SERGEF: variants seen among roughly 807,000 people sequenced by gnomAD.
SERGEF encodes the protein secretion regulating guanine nucleotide exchange factor, also known as secretion-regulating guanine nucleotide exchange factor.
Under a neutral mutation model 50.0 loss-of-function variants are expected in SERGEF, and 51 were observed. The ratio of observed to expected loss-of-function variants is 1.02; its 90% CI spans 0.81 to 1.29. The LOEUF is 1.29. Ranked by LOEUF, SERGEF falls within the 50% of genes most tolerant of loss-of-function variation. The pLI, the probability that SERGEF is intolerant of heterozygous loss-of-function variation, is 0.00. For missense variants in SERGEF, 521 were observed against 557.0 expected (o/e 0.94, Z 0.65); for synonymous variants, 205 against 212.4 (o/e 0.97, Z 0.30).
chr11:17,919,400 A>G (rs1415287372), intron 9 of SERGEF, among the ~76,000 whole-genome samples: 1 of 152,154 alleles, frequency 6.6e-6, no homozygotes, highest in African/African-American at 2.4e-5. Context: ...GTTTGGAAAC[A>G]ACTAGGTTAA....
At chr11:17,881,297 G>T (rs1851328153) in intron 9 of SERGEF, among the ~76,000 whole-genome samples, 1 of 152,160 alleles carries the variant, frequency 6.6e-6, no homozygotes, top group African/African-American at 2.4e-5. Flanking sequence ...GAGGACCAGG[G>T]GCTTCCAGAA....
At chr11:17,795,428 A>G (rs768779556) in intron 10 of SERGEF, among the ~76,000 whole-genome samples, 59 of 152,152 alleles carry the variant, frequency 3.9e-4, no homozygotes, top group Non-Finnish European at 6.3e-4. Context: ...CCCTTGCCCT[A>G]TCCTTTATGC....
At position 17,967,532 on chromosome 11, in the gene SERGEF, C is replaced by A. The variant is rs1485741253; in HGVS notation, c.845-7896G>T. On this transcript the variant is annotated intron_variant, in intron 8 of 10. Coordinates refer to ENST00000265965, the MANE Select transcript of SERGEF (RefSeq NM_012139.4). ...TTTCACCACTGACTTTATTAGCTAC[C>A]AAATCGGGGGCAGCAGTGATAGAAG... Among the ~76,000 whole-genome samples the A allele has an allele frequency of 2.6e-5, 4 of 152,286 alleles. No homozygotes were observed. In the South Asian group the frequency reaches 8.3e-4, roughly 32 times the overall value.
intron 9 of SERGEF, among the ~76,000 whole-genome samples, chr11:17,881,072 C>A (rs1851325163): frequency 1.3e-5 from 2 of 152,186 alleles, no homozygotes; most frequent in Admixed American, 1.3e-4. Context: ...GAGGCTCATA[C>A]ATATTAAATA....
rs140125257 is a variant in SERGEF, at chr11:18,001,624, G to A, written c.448-1067C>T. On this transcript the variant is annotated intron_variant, in intron 4 of 10. Coordinates refer to ENST00000265965, the MANE Select transcript of SERGEF (RefSeq NM_012139.4). Reference sequence around the variant, plus strand: ...GCTGTTCCTAAATTCCTGACTCTCCGAAACTGTGACATAATAAATGTTTGC... The same window carrying A: ...GCTGTTCCTAAATTCCTGACTCTCCAAAACTGTGACATAATAAATGTTTGC... Among the ~76,000 whole-genome samples the A allele has an allele frequency of 1.8e-4, 28 of 152,270 alleles. No individual in the cohort carries two copies. In the East Asian group the frequency reaches 5.0e-3, roughly 27 times the overall value.
intron 6 of SERGEF, among the ~76,000 whole-genome samples, chr11:17,995,034 G>A (rs1282586830): frequency 1.3e-5 from 2 of 152,122 alleles, no homozygotes; most frequent in East Asian, 3.8e-4. Flanking sequence ...GGGAGAAGAG[G>A]AGGAAATGGA....
At chr11:17,890,490 C>CGTTTTCTCTCACAT (rs1382601960) in intron 9 of SERGEF, among the ~76,000 whole-genome samples, 1 of 152,088 alleles carries the variant, frequency 6.6e-6, no homozygotes, top group Non-Finnish European at 1.5e-5. Flanking sequence ...GTTTTTCTCA[C>CGTTTTCTCTCACAT]GTTTTCTCTC....
At chr11:17,911,431 AT>A (rs1851952046) in intron 9 of SERGEF, among the ~76,000 whole-genome samples, 1 of 149,452 alleles carries the variant, frequency 6.7e-6, no homozygotes, top group African/African-American at 2.5e-5. Flanking sequence ...AATGTGTGTA[AT>A]TTGATAAGTT....
intron 10 of SERGEF, among the ~76,000 whole-genome samples, chr11:17,807,934 C>A (rs1849792861): frequency 6.6e-6 from 1 of 152,190 alleles, no homozygotes; most frequent in Non-Finnish European, 1.5e-5. Context: ...TGAGAACATG[C>A]CAATTTCTAA....
chr11:17,797,872 A>C (rs1309673975), intron 10 of SERGEF, among the ~76,000 whole-genome samples: 1 of 152,200 alleles, frequency 6.6e-6, no homozygotes, highest in African/African-American at 2.4e-5. Context: ...CAATGACTGG[A>C]AGACTGCTCT....
chr11:18,004,589 C>A, intron 3 of SERGEF, 54 bp from the exon 4 acceptor site: 3 of 1,271,398 alleles, frequency 2.4e-6, no homozygotes, highest in African/African-American at 2.9e-5. Flanking sequence ...TGTCTGTGAC[C>A]AATGGGTAAA....
intron 8 of SERGEF, among the ~76,000 whole-genome samples, chr11:17,965,752 G>A (rs1276986345): frequency 1.3e-5 from 2 of 152,120 alleles, no homozygotes; most frequent in Non-Finnish European, 2.9e-5. Flanking sequence ...ATGAACAATA[G>A]AATAAATGAA....
intron 10 of SERGEF, among the ~76,000 whole-genome samples, chr11:17,865,980 C>A (rs1851014972): frequency 6.6e-6 from 1 of 152,184 alleles, no homozygotes; most frequent in African/African-American, 2.4e-5. Context: ...ATAGTAAATG[C>A]CGTATACAGA....
intron 10 of SERGEF, among the ~76,000 whole-genome samples, chr11:17,870,437 G>A (rs962818055): frequency 6.6e-6 from 1 of 152,200 alleles, no homozygotes; most frequent in East Asian, 1.9e-4. Flanking sequence ...GATGGAAGAG[G>A]TCATAAGTCA....
intron 10 of SERGEF, among the ~76,000 whole-genome samples, chr11:17,852,076 A>C (rs1334359380): frequency 1.3e-5 from 2 of 152,144 alleles, no homozygotes; most frequent in East Asian, 3.8e-4. Context: ...CAAAGTAAAA[A>C]CTGCTGAGAG....
chr11:18,004,009 A>C (rs193297922), intron 4 of SERGEF, among the ~76,000 whole-genome samples: 37 of 152,356 alleles, frequency 2.4e-4, no homozygotes, highest in African/African-American at 8.9e-4. Flanking sequence ...TTTTTTAAAT[A>C]GGGCTACTAG....
chr11:17,813,733 A>G (rs949310385), intron 10 of SERGEF, among the ~76,000 whole-genome samples: 5 of 152,218 alleles, frequency 3.3e-5, no homozygotes, highest in Non-Finnish European at 5.9e-5. Flanking sequence ...TTCTGATCAA[A>G]CCTCAGAAAC....
chr11:17,865,294 GTAA>G lies in SERGEF; in HGVS notation c.1048+12911_1048+12913del, dbSNP rs1389094994. ...TACCACATACAATTATGTACAGTAT[GTAA>G]TAATACTTGATAAATAAATGACTAT... On this transcript the variant is annotated intron_variant, in intron 10 of 10. Transcript: ENST00000265965. Among the ~76,000 whole-genome samples, 3 of 152,284 alleles carry G rather than the reference GTAA, an allele frequency of 2.0e-5. No homozygotes were observed. In the East Asian group the frequency reaches 5.8e-4, roughly 29 times the overall value.
chr11:17,961,237 C>A (rs939646580), intron 8 of SERGEF, among the ~76,000 whole-genome samples: 3 of 152,172 alleles, frequency 2.0e-5, no homozygotes, highest in Admixed American at 6.5e-5. Context: ...GGTTATTAAG[C>A]ACTAGTCACT....
Sources: gnomAD v4.1 joint callset for allele counts (sites outside exome capture counted in the v4.1 genomes callset) on GRCh38, gnomAD v4.1.1 for gene constraint, MANE v1.5 for transcripts, NCBI Gene and HGNC (gene_info 2026-07-23, HGNC 2026-07-21) for gene names.